ANKRD17: variants seen among roughly 807,000 people sequenced by gnomAD.
ANKRD17 encodes the protein ankyrin repeat domain 17.
Under a neutral mutation model 229.7 loss-of-function variants are expected in ANKRD17, and 19 were observed. The observed-to-expected ratio is 0.08, with a 90% CI of 0.06 to 0.12. The LOEUF is 0.12. Among genes scored for constraint, ANKRD17 ranks in the 10% least tolerant of loss-of-function variants. ANKRD17 has a pLI of 1.00. For missense variants in ANKRD17, 2,176 were observed against 3,176.8 expected (o/e 0.68, Z 7.57); for synonymous variants, 1,112 against 1,146.1 (o/e 0.97, Z 0.60).
intron 1 of ANKRD17, among the ~76,000 whole-genome samples, chr4:73,201,264 T>G (rs1160221073): frequency 6.6e-6 from 1 of 152,044 alleles, no homozygotes; most frequent in African/African-American, 2.4e-5. Context: ...ACAAAAATTC[T>G]CTAGAAAAAT....
In ANKRD17 at chr4:73,165,201, G is replaced by C. The variant is rs1313324398; in HGVS notation, c.548-3853C>G. On this transcript the variant is annotated intron_variant, in intron 2 of 33. Coordinates refer to ENST00000358602, the MANE Select transcript of ANKRD17 (RefSeq NM_032217.5). ...AGAGAAACAGACCATTAGCCCAACA[G>C]GAGTCAGGTATGAGATGTACCAGAT... Among the ~76,000 whole-genome samples the C allele has an allele frequency of 2.6e-5, 4 of 152,160 alleles. No individual in the cohort carries two copies. In the East Asian group the frequency reaches 7.7e-4, roughly 29 times the overall value.
intron 3 of ANKRD17, among the ~76,000 whole-genome samples, chr4:73,156,780 G>A (rs1189102264): frequency 1.3e-5 from 2 of 152,082 alleles, no homozygotes; most frequent in Non-Finnish European, 1.5e-5. Flanking sequence ...TTCCTGTACA[G>A]CCTGTGGAAC....
chr4:73,081,448 T>C (rs995670175), intron 30 of ANKRD17, among the ~76,000 whole-genome samples: 2 of 152,162 alleles, frequency 1.3e-5, no homozygotes, highest in African/African-American at 4.8e-5. Flanking sequence ...TCATTTTCCA[T>C]GAGAGTCCCT....
At chr4:73,249,517 C>T (rs1434558325) in intron 1 of ANKRD17, among the ~76,000 whole-genome samples, 1 of 152,130 alleles carries the variant, frequency 6.6e-6, no homozygotes, top group Non-Finnish European at 1.5e-5. Context: ...TTTTCTCTAC[C>T]TTATAAGTCA....
intron 1 of ANKRD17, among the ~76,000 whole-genome samples, chr4:73,246,419 T>C (rs1744505484): frequency 6.6e-6 from 1 of 152,340 alleles, no homozygotes; most frequent in South Asian, 2.1e-4. Context: ...ATTTTGTATA[T>C]ATCTTTCACT....
chr4:73,116,737 T>C (rs1305122934), intron 22 of ANKRD17, among the ~76,000 whole-genome samples: 4 of 152,100 alleles, frequency 2.6e-5, no homozygotes, highest in Non-Finnish European at 4.4e-5. Flanking sequence ...TAACTTTGGG[T>C]ATGGATCTTA....
At chr4:73,088,782 T>C (rs559423088) in intron 29 of ANKRD17, among the ~76,000 whole-genome samples, 13 of 152,300 alleles carry the variant, frequency 8.5e-5, no homozygotes, top group African/African-American at 3.1e-4. Context: ...TGAGTTCCCA[T>C]TAAACTTGGA....
intron 2 of ANKRD17, among the ~76,000 whole-genome samples, chr4:73,171,751 G>A (rs1467483775): frequency 1.3e-5 from 2 of 152,108 alleles, no homozygotes; most frequent in Non-Finnish European, 2.9e-5. Context: ...AGCAATATTG[G>A]AGCTGAAAAA....
At chr4:73,191,386 T>TGTGTGTGTGTG (rs58316756) in intron 1 of ANKRD17, among the ~76,000 whole-genome samples, 4 of 150,478 alleles carry the variant, frequency 2.7e-5, no homozygotes, top group African/African-American at 9.7e-5. Flanking sequence ...TGTGTGTGTG[T>TGTGTGTGTGTG]ATCTCCAGAT....
intron 31 of ANKRD17, 95 bp downstream of exon 31, chr4:73,078,547 A>G: frequency 6.9e-7 from 1 of 1,444,950 alleles, no homozygotes. Flanking sequence ...AAAAAAAGAA[A>G]AAAAAAAAGG....
rs751989298 is a variant in ANKRD17 at position 73,258,531 on chromosome 4, G to A, written c.138C>T (p.Arg46=). The change falls in exon 1 of 34, where the codon CGC becomes CGT. Residue 46 remains arginine, a synonymous_variant. Transcript: ENST00000358602. ...CCATCCCACGAGGAGACGAGGCCGA[G>A]CGAGCTCTGCTGCTGCCGCCAACGC... ...GGGVGGSSRA[R]SASSPRGMVR... is the part of the protein sequence containing the mutation. 6.5e-7 allele frequency: 1 copy of A among 1,529,024 alleles called. No homozygotes were observed. The highest frequency in any genetic ancestry group is 1.2e-5 in the South Asian group (1 of 83,354). The allele number at this position is 1,529,024 out of a possible 1,614,324, so 94.7% of individuals were successfully genotyped here. A position where few individuals can be genotyped will look rare whatever the true frequency, so the allele number is the denominator to read the frequency against.
intron 1 of ANKRD17, among the ~76,000 whole-genome samples, chr4:73,221,493 C>A (rs1479759985): frequency 6.6e-6 from 1 of 152,054 alleles, no homozygotes; most frequent in Non-Finnish European, 1.5e-5. Context: ...ATCAAAATCT[C>A]CAAAGCACAC....
At chr4:73,191,715 G>A (rs1737130803) in intron 1 of ANKRD17, among the ~76,000 whole-genome samples, 1 of 151,836 alleles carries the variant, frequency 6.6e-6, no homozygotes, top group Non-Finnish European at 1.5e-5. Flanking sequence ...TACAGAGTAG[G>A]CAATTCATAG....
chr4:73,177,391 A>C lies in ANKRD17; in HGVS notation c.536T>G (p.Leu179Arg). 6.2e-7 allele frequency: 1 copy of C among 1,609,180 alleles called. No homozygotes were observed. The highest frequency in any genetic ancestry group is 8.5e-7 in the Non-Finnish European group (1 of 1,176,726). Reference sequence around the variant, plus strand: ...TGTAGAGTACATACCTGCAGCTTCTAGTAAAGCTTCCAGTCTAGCCTGTGT... The same window carrying C: ...TGTAGAGTACATACCTGCAGCTTCTCGTAAAGCTTCCAGTCTAGCCTGTGT... ...PETQARLEAL[L>R]EAAGIGKLST... The change falls in exon 2 of 34, where the codon CTA (leucine) becomes CGA (arginine). Residue 179 changes from leucine to arginine, a missense_variant. By Grantham distance (102) the Leu-to-Arg change is moderately radical (BLOSUM62 -2). Around this residue, in one of 18 missense-constraint regions of ANKRD17, gnomAD observed 184 missense variants for 357.8 expected, o/e 0.51. Coordinates refer to ENST00000358602, the MANE Select transcript of ANKRD17 (RefSeq NM_032217.5).
intron 8 of ANKRD17, 128 bp from the exon 9 acceptor site, chr4:73,147,560 G>C (rs1730447753): frequency 7.7e-6 from 6 of 782,378 alleles, no homozygotes; most frequent in Non-Finnish European, 1.1e-5. Context: ...AAATAAGAAA[G>C]TGCCTCTCTC....
intron 6 of ANKRD17, 50 bp from the exon 7 acceptor site, chr4:73,151,574 A>G (rs1265798892): frequency 7.8e-7 from 1 of 1,284,394 alleles, no homozygotes; most frequent in African/African-American, 1.5e-5. Flanking sequence ...TTATTCCAAA[A>G]TATTTTTTAA....
chr4:73,076,309 C>T lies in ANKRD17; in HGVS notation c.7753-19G>A. ...TCCACACCTATGAATATAGAGCATGCATTTTACAAAATATATATCTAGCAT... is the reference window on the plus strand; with the variant it reads ...TCCACACCTATGAATATAGAGCATGTATTTTACAAAATATATATCTAGCAT... On this transcript the variant is annotated intron_variant, in intron 33 of 33. Coordinates refer to ENST00000358602, the MANE Select transcript of ANKRD17 (RefSeq NM_032217.5). 1 of 1,556,492 alleles carries T rather than the reference C, an allele frequency of 6.4e-7. No individual in the cohort carries two copies. The highest frequency in any genetic ancestry group is 8.7e-7 in the Non-Finnish European group (1 of 1,153,388).
chr4:73,252,122 A>G (rs1745082638), intron 1 of ANKRD17, among the ~76,000 whole-genome samples: 1 of 152,236 alleles, frequency 6.6e-6, no homozygotes, highest in South Asian at 2.1e-4. Flanking sequence ...TTCTTACTAC[A>G]GAGATGGGAC....
rs1015786501 is a variant in ANKRD17, at chr4:73,218,878, T to C, written c.393+39398A>G. ...GAGATTGAGACCATCCTGGCCAACA[T>C]AGTGAAACCCCGTCTCTACTAACAA... On this transcript the variant is annotated intron_variant, in intron 1 of 33. Coordinates refer to ENST00000358602, the MANE Select transcript of ANKRD17 (RefSeq NM_032217.5). 1.1e-4 allele frequency among the ~76,000 whole-genome samples: 17 copies of C among 152,006 alleles called. 1 individual carries two copies. The highest frequency in any genetic ancestry group is 2.5e-4 in the Non-Finnish European group (17 of 67,986).
Sources: allele counts gnomAD v4.1 joint callset (sites outside exome capture counted in the v4.1 genomes callset), GRCh38; gene constraint gnomAD v4.1.1; regional missense constraint gnomAD v4.1.1; transcripts MANE v1.5; gene names NCBI Gene and HGNC (gene_info 2026-07-23, HGNC 2026-07-21).